The following IL2RB variants were observed in gnomAD, a reference collection of about 807,000 sequenced individuals.
IL2RB encodes interleukin-2 receptor subunit beta.
Under a neutral mutation model 44.2 loss-of-function variants are expected in IL2RB, and 17 were observed. That is an observed-to-expected ratio of 0.38 (90% CI 0.26 to 0.58). IL2RB has a LOEUF of 0.58. Among genes scored for constraint, IL2RB ranks in the 20% least tolerant of loss-of-function variants. The pLI is 0.63. For missense variants in IL2RB, 624 were observed against 685.5 expected (o/e 0.91, Z 1.00); for synonymous variants, 286 against 297.9 (o/e 0.96, Z 0.41).
At chr22:37,154,929 G>C (rs1450284097) in intron 1 of IL2RB, among the ~76,000 whole-genome samples, 1 of 152,096 alleles carries the variant, frequency 6.6e-6, no homozygotes, top group Non-Finnish European at 1.5e-5. Flanking sequence ...GTGAAGTTTT[G>C]GGTAGAGGGG....
intron 1 of IL2RB, among the ~76,000 whole-genome samples, chr22:37,163,156 ATCTGGAGTGGTTCTCAGGT>A (rs1922941346): frequency 6.6e-6 from 1 of 152,148 alleles, no homozygotes; most frequent in Non-Finnish European, 1.5e-5. Context: ...TAGTTAGAGG[ATCTGGAGTGGTTCTCAGGT>A]TCTGGAGGGA....
intron 4 of IL2RB, 131 bp from the exon 5 acceptor site, chr22:37,139,353 T>A: frequency 3.1e-6 from 2 of 635,182 alleles, no homozygotes; most frequent in Non-Finnish European, 5.7e-6. Context: ...GGGCAGCAAA[T>A]GTTTTCTGTA....
chr22:37,137,792 T>C, intron 5 of IL2RB, 57 bp from the exon 6 acceptor site: 1 of 1,491,148 alleles, frequency 6.7e-7, no homozygotes. Flanking sequence ...CCTCCCACTT[T>C]GTACCTGCCA....
At chr22:37,131,703 T>C (rs1428372436) in intron 9 of IL2RB, among the ~76,000 whole-genome samples, 2 of 151,816 alleles carry the variant, frequency 1.3e-5, no homozygotes, top group African/African-American at 2.4e-5. Flanking sequence ...GTCCTGTTCG[T>C]TCAGCACACC....
intron 1 of IL2RB, among the ~76,000 whole-genome samples, chr22:37,168,409 G>A (rs556694007): frequency 1.3e-5 from 2 of 152,342 alleles, no homozygotes; most frequent in African/African-American, 4.8e-5. Flanking sequence ...GGCTCCAGAG[G>A]ATGTGGCATC....
At position 37,128,477 on chromosome 22, in the gene IL2RB, A is replaced by C. The variant is rs751057059; in HGVS notation, c.1275T>G (p.Asp425Glu). ...GACTGGGGGAGAAGAGCAGCAGGTC[A>C]TCCCTGGAGGGGAAGGTGCAGTAGG... ...DDAYCTFPSR[D>E]DLLLFSPSLL... The change falls in exon 10 of 10, where the codon GAT becomes GAG. Residue 425 changes from aspartate (D) to glutamate (E), a missense_variant. Physicochemically the swap from Asp to Glu is conservative, Grantham distance 45. Coordinates refer to ENST00000216223, the MANE Select transcript of IL2RB (RefSeq NM_000878.5). The surrounding 1 kb of genome is among the most constrained non-coding windows in gnomAD (Gnocchi z 4.5). 6.3e-7 allele frequency: 1 copy of C among 1,590,428 alleles called. No individual in the cohort carries two copies. The highest frequency in any genetic ancestry group is 8.6e-7 in the Non-Finnish European group (1 of 1,164,824).
intron 1 of IL2RB, among the ~76,000 whole-genome samples, chr22:37,162,482 G>A (rs1282997847): frequency 6.6e-6 from 1 of 152,210 alleles, no homozygotes; most frequent in East Asian, 1.9e-4. Flanking sequence ...CAGTTGGCTG[G>A]CTGACCTTGA....
Position 37,170,152 on chromosome 22 carries a change from G to A in IL2RB, c.-34+4806C>T, listed in dbSNP as rs113686169. On this transcript the variant is annotated intron_variant, in intron 1 of 5. Transcript: ENST00000429622. Reference sequence around the variant, plus strand: ...TGGATGAAGGGATGAACAGACAGACGGATGGACAGACAGTGGATGTGGATG... The same window carrying A: ...TGGATGAAGGGATGAACAGACAGACAGATGGACAGACAGTGGATGTGGATG... Among the ~76,000 whole-genome samples, 1,184 of 152,156 alleles carry A rather than the reference G, an allele frequency of 7.8e-3. 19 individuals carry two copies. The highest frequency in any genetic ancestry group is 0.027 in the African/African-American group (1,130 of 41,456).
At position 37,132,373 on chromosome 22, in the gene IL2RB, CG is replaced by C. The variant is rs1921477959; in HGVS notation, c.903+10del. ...CCTGCCCACCTCTGTCTCCCCGCCCCGGCCTCCTACCTGGACGTCTCCTCCA... is the reference window on the plus strand; with the variant it reads ...CCTGCCCACCTCTGTCTCCCCGCCCCGCCTCCTACCTGGACGTCTCCTCCA... On this transcript the variant is annotated intron_variant, in intron 9 of 9. Transcript: ENST00000216223. 6.2e-7 allele frequency: 1 copy of C among 1,611,554 alleles called. No homozygotes were observed. The highest frequency in any genetic ancestry group is 1.3e-5 in the African/African-American group (1 of 74,872).
intron 1 of IL2RB, among the ~76,000 whole-genome samples, chr22:37,157,643 T>A (rs1293686314): frequency 6.6e-6 from 1 of 152,194 alleles, no homozygotes; most frequent in Non-Finnish European, 1.5e-5. Context: ...TTACTCAGAC[T>A]AATCAGCTCC....
At chr22:37,162,206 G>A (rs1922904351) in intron 1 of IL2RB, among the ~76,000 whole-genome samples, 1 of 152,212 alleles carries the variant, frequency 6.6e-6, no homozygotes, top group Non-Finnish European at 1.5e-5. Flanking sequence ...GGCAGCGAGG[G>A]GAAGAGTGCC....
rs1385633290 is a variant in IL2RB, at chr22:37,127,888, C to T, written c.*208G>A. The T allele has an allele frequency of 2.7e-5, 11 of 410,760 alleles. No individual in the cohort carries two copies. The East Asian group carries it at 2.9e-4, about 11-fold the overall frequency. The allele number at this position is 410,760 out of a possible 1,614,324, so 25.4% of individuals were successfully genotyped here. On this transcript the variant is annotated 3_prime_UTR_variant, in exon 10 of 10. Transcript: ENST00000216223. ...CCCCTGCAACACACACAGTTCCTGG[C>T]TCGGGCAGCAGGACCCGGGAGCAGC...
chr22:37,159,658 G>A (rs192456612), intron 1 of IL2RB, among the ~76,000 whole-genome samples: 6 of 152,348 alleles, frequency 3.9e-5, no homozygotes, highest in Admixed American at 2.6e-4. Flanking sequence ...GACAGAGGCA[G>A]GTGCATTTTG....
At chr22:37,154,201 C>G (rs529254087), upstream of IL2RB, among the ~76,000 whole-genome samples, 20 of 152,312 alleles carry the variant, frequency 1.3e-4, no homozygotes, top group African/African-American at 4.8e-4. Flanking sequence ...GAGTCTCCCA[C>G]CCCAGGAGAC....
At chr22:37,154,575 C>CTTTTTTTTTTTTTTTT (rs57147928), upstream of IL2RB, among the ~76,000 whole-genome samples, 2 of 141,608 alleles carry the variant, frequency 1.4e-5, no homozygotes, top group Non-Finnish European at 1.5e-5. Context: ...CTTTTTTTTT[C>CTTTTTTTTTTTTTTTT]TTTTTTTTTT....
intron 1 of IL2RB, among the ~76,000 whole-genome samples, chr22:37,145,075 C>T (rs762736354): frequency 2.2e-5 from 3 of 138,714 alleles, no homozygotes; most frequent in Middle Eastern, 7.5e-3. Flanking sequence ...CCTGCCTCTG[C>T]CCCTCACTGT....
intron 8 of IL2RB, among the ~76,000 whole-genome samples, chr22:37,134,800 C>G (rs961062299): frequency 1.3e-5 from 2 of 152,216 alleles, no homozygotes; most frequent in African/African-American, 4.8e-5. Context: ...TGCCTTCCCC[C>G]ACTGGGCCGT....
Position 37,127,757 on chromosome 22 carries a change from C to G in IL2RB, c.*339G>C, listed in dbSNP as rs1029799971. 1 of 191,994 alleles carries G rather than the reference C, an allele frequency of 5.2e-6. No homozygotes were observed. Among genetic ancestry groups the G allele is most frequent in the African/African-American group, 2.3e-5 (1 of 43,028 alleles). The allele number at this position is 191,994 out of a possible 1,614,324, so 11.9% of individuals were successfully genotyped here. ...CAGGGCAGGGAGCCCTGGAGAGCCG[C>G]GAGGACTGATATTGGTGAATAGCTG... On this transcript the variant is annotated 3_prime_UTR_variant, in exon 10 of 10. Transcript: ENST00000216223.
At chr22:37,152,773 G>C (rs1922541723), upstream of IL2RB, among the ~76,000 whole-genome samples, 1 of 151,844 alleles carries the variant, frequency 6.6e-6, no homozygotes, top group Non-Finnish European at 1.5e-5. Flanking sequence ...GGAAACTTAT[G>C]GATTGGTCTT....
Sources: gnomAD v4.1 joint callset for allele counts (sites outside exome capture counted in the v4.1 genomes callset) on GRCh38, gnomAD v4.1.1 for gene constraint, Gnocchi (gnomAD v3.1) non-coding constraint, MANE v1.5 for transcripts, NCBI Gene and HGNC (gene_info 2026-07-23, HGNC 2026-07-21) for gene names.